P2RY8: variants seen among roughly 807,000 people sequenced by gnomAD.
P2RY8 encodes P2Y receptor family member 8, also known as S-geranylgeranyl-glutathione receptor P2RY8.
In P2RY8, 6 loss-of-function variants were observed where a neutral mutation model predicts 10.0. The ratio of observed to expected loss-of-function variants is 0.60; its 90% CI spans 0.33 to 1.19. The LOEUF (loss-of-function observed/expected upper bound fraction) is 1.19. Ranked by LOEUF, P2RY8 falls within the 50% of genes most tolerant of loss-of-function variation. The pLI is 0.04. For synonymous variants in P2RY8, 276 were observed against 252.5 expected (o/e 1.09, Z -0.88); for missense variants, 456 against 542.0 (o/e 0.84, Z 1.58).
chrX:1,488,951 G>T (rs2092014526), intron 1 of P2RY8, among the ~76,000 whole-genome samples: 1 of 151,936 alleles, frequency 6.6e-6, no homozygotes, highest in Non-Finnish European at 1.5e-5. Context: ...ATGAATGAAT[G>T]AATGGCATCC....
At chrX:1,524,669 TCATCCATC>T (rs1208902272) in intron 1 of P2RY8, among the ~76,000 whole-genome samples, 1 of 51,062 alleles carries the variant, frequency 2.0e-5, no homozygotes, top group Non-Finnish European at 3.7e-5. Flanking sequence ...ATCCATCCAT[TCATCCATC>T]CATCCATCCA....
At chrX:1,528,847 T>G (rs1402554813) in intron 1 of P2RY8, among the ~76,000 whole-genome samples, 1 of 152,060 alleles carries the variant, frequency 6.6e-6, no homozygotes, top group Non-Finnish European at 1.5e-5. Context: ...TGGATTTGAG[T>G]CTCTTTGAAT....
At chrX:1,520,602 T>C (rs1250154439) in intron 1 of P2RY8, among the ~76,000 whole-genome samples, 8 of 151,584 alleles carry the variant, frequency 5.3e-5, no homozygotes, top group African/African-American at 1.7e-4. Context: ...TAATAATTTC[T>C]CTGGTCCCCA....
intron 1 of P2RY8, among the ~76,000 whole-genome samples, chrX:1,512,066 G>T (rs1381579951): frequency 2.0e-5 from 3 of 151,512 alleles, no homozygotes; most frequent in South Asian, 2.1e-4. Context: ...GAGGCTCCCA[G>T]GCTGGCGGGG....
At chrX:1,511,979 G>T (rs1165333852) in intron 1 of P2RY8, among the ~76,000 whole-genome samples, 4 of 152,082 alleles carry the variant, frequency 2.6e-5, no homozygotes, top group East Asian at 1.9e-4. Flanking sequence ...TGATATGGGG[G>T]CCCACCTGTT....
chrX:1,533,190 T>G (rs2092493243), intron 1 of P2RY8, among the ~76,000 whole-genome samples: 1 of 150,648 alleles, frequency 6.6e-6, no homozygotes, highest in Non-Finnish European at 1.5e-5. Flanking sequence ...ACTAAAGAAC[T>G]TCCTCGTGTA....
intron 1 of P2RY8, among the ~76,000 whole-genome samples, chrX:1,525,405 G>A (rs1239345841): frequency 3.3e-5 from 5 of 152,206 alleles, no homozygotes; most frequent in Non-Finnish European, 7.3e-5. Flanking sequence ...GACATGCACA[G>A]AGGGAAGATT....
intron 1 of P2RY8, among the ~76,000 whole-genome samples, chrX:1,523,198 G>A (rs2092405816): frequency 6.6e-6 from 1 of 151,980 alleles, no homozygotes; most frequent in African/African-American, 2.4e-5. Flanking sequence ...CTTTGTGGCT[G>A]GTGCAGTTGG....
intron 1 of P2RY8, among the ~76,000 whole-genome samples, chrX:1,500,484 A>T (rs2092167035): frequency 6.6e-6 from 1 of 151,074 alleles, no homozygotes; most frequent in African/African-American, 2.4e-5. Flanking sequence ...TCACTCTGTC[A>T]TCTAGGCTGG....
intron 1 of P2RY8, among the ~76,000 whole-genome samples, chrX:1,526,490 A>C (rs2092441219): frequency 6.6e-6 from 1 of 151,934 alleles, no homozygotes; most frequent in African/African-American, 2.4e-5. Context: ...CCATTTATCC[A>C]TCCATCCATC....
Position 1,465,372 on chromosome X carries a change from T to G in P2RY8, c.*107A>C. 6.7e-7 allele frequency: 1 copy of G among 1,491,072 alleles called. No homozygotes were observed. The highest frequency in any genetic ancestry group is 8.9e-7 in the Non-Finnish European group (1 of 1,124,822). The allele number at this position is 1,491,072 out of a possible 1,614,324, so 92.4% of individuals were successfully genotyped here. A position where few individuals can be genotyped will look rare whatever the true frequency, so the allele number is the denominator to read the frequency against. Reference sequence around the variant, plus strand: ...TTCCCCACCGGGCCTCTGCAGTGCCTGGGAGCAACGCAGCTGTTCTCCCTG... The same window carrying G: ...TTCCCCACCGGGCCTCTGCAGTGCCGGGGAGCAACGCAGCTGTTCTCCCTG... On this transcript the variant is annotated 3_prime_UTR_variant, in exon 2 of 2. Transcript: ENST00000381297.
chrX:1,514,676 T>TTCCC lies in P2RY8; in HGVS notation c.-25+22244_-25+22245insGGGA, dbSNP rs1569538343. Among the ~76,000 whole-genome samples the TTCCC allele has an allele frequency of 8.7e-4, 2 of 2,292 alleles. 1 individual carries two copies. The allele number at this position is 2,292 out of a possible 152,430, so 1.5% of individuals were successfully genotyped here. ...CCTCCCCTCCCTTCCCTTCCCTTCC[T>TTCCC]TTCCCTTCCCTTCCCTTCCTTCCCT... On this transcript the variant is annotated intron_variant, in intron 1 of 1. Coordinates refer to ENST00000381297, the MANE Select transcript of P2RY8 (RefSeq NM_178129.5).
chrX:1,535,694 C>CACACACACACACACACACAG (rs2092519232), intron 1 of P2RY8, among the ~76,000 whole-genome samples: 1 of 81,856 alleles, frequency 1.2e-5, no homozygotes, highest in African/African-American at 4.5e-5. Context: ...AAGAAACAAC[C>CACACACACACACACACACAG]ACACACACAC....
chrX:1,471,465 ATT>A (rs113928271), intron 1 of P2RY8, among the ~76,000 whole-genome samples: 37 of 136,130 alleles, frequency 2.7e-4, no homozygotes, highest in East Asian at 6.6e-4. Flanking sequence ...CACCCAGCCC[ATT>A]TTTTTTTTTT....
At chrX:1,526,830 C>T (rs1349139699) in intron 1 of P2RY8, among the ~76,000 whole-genome samples, 1 of 152,148 alleles carries the variant, frequency 6.6e-6, no homozygotes, top group Non-Finnish European at 1.5e-5. Context: ...TTCATTTACC[C>T]ACGCATTCAT....
chrX:1,524,785 T>TCCATCCATC (rs2092427265), intron 1 of P2RY8, among the ~76,000 whole-genome samples: 1 of 38,320 alleles, frequency 2.6e-5, no homozygotes, highest in Non-Finnish European at 5.4e-5. Context: ...ATCCATCCAC[T>TCCATCCATC]CATCCATTCA....
At chrX:1,533,002 CAAAAAAAA>C (rs56945483) in intron 1 of P2RY8, among the ~76,000 whole-genome samples, 1 of 76,070 alleles carries the variant, frequency 1.3e-5, no homozygotes, top group Admixed American at 1.9e-4. Context: ...AACTCTGTCT[CAAAAAAAA>C]AAAAAAAAAA....
intron 1 of P2RY8, among the ~76,000 whole-genome samples, chrX:1,503,276 T>G (rs1476603171): frequency 2.6e-5 from 4 of 152,196 alleles, no homozygotes; most frequent in African/African-American, 7.2e-5. Flanking sequence ...CTCAGACTTC[T>G]GGCCCCCGGA....
intron 1 of P2RY8, among the ~76,000 whole-genome samples, chrX:1,498,709 G>A (rs1390008597): frequency 2.0e-5 from 3 of 150,804 alleles, no homozygotes; most frequent in Middle Eastern, 6.8e-3. Context: ...GTAAAGATGC[G>A]GTTTCACCAT....
Sources: gnomAD v4.1 joint callset for allele counts (sites outside exome capture counted in the v4.1 genomes callset) on GRCh38, gnomAD v4.1.1 for gene constraint, MANE v1.5 for transcripts, NCBI Gene and HGNC (gene_info 2026-07-23, HGNC 2026-07-21) for gene names.